Variants in STK26 observed in about 807,000 individuals in gnomAD.
STK26 encodes the protein serine/threonine kinase 26.
Under a neutral mutation model 34.7 loss-of-function variants are expected in STK26, and 14 were observed. That is an observed-to-expected ratio of 0.40 (90% confidence interval 0.27 to 0.63). STK26 has a LOEUF of 0.63. STK26 is among the 30% of genes least tolerant of loss of function. STK26 has a pLI of 0.38. For missense variants in STK26, 226 were observed against 309.1 expected (o/e 0.73, Z 2.02); for synonymous variants, 100 against 109.8 (o/e 0.91, Z 0.56).
intron 4 of STK26, among the ~76,000 whole-genome samples, chrX:132,066,545 C>T (rs963599474): frequency 1.5e-4 from 17 of 111,806 alleles, no homozygotes; most frequent in South Asian, 7.5e-4. Flanking sequence ...CTTCAGTTAT[C>T]GGAGAAAAGT....
intron 2 of STK26, among the ~76,000 whole-genome samples, chrX:132,034,345 C>T (rs1340862215): frequency 2.8e-5 from 2 of 72,560 alleles, no homozygotes; most frequent in African/African-American, 1.1e-4. Context: ...CTCGCTCTGT[C>T]GCCCAGGCTG....
chrX:132,055,780 G>A (rs949820066), intron 3 of STK26, among the ~76,000 whole-genome samples: 4 of 112,021 alleles, frequency 3.6e-5, no homozygotes, highest in African/African-American at 6.5e-5. Context: ...CAAAAAGAGC[G>A]TATCTATAAC....
chrX:132,055,843 T>C (rs1286384902), intron 3 of STK26, among the ~76,000 whole-genome samples: 1 of 112,084 alleles, frequency 8.9e-6, no homozygotes, highest in Middle Eastern at 4.2e-3. Context: ...TATCCTCTGC[T>C]GACCAAATAA....
chrX:132,063,281 C>T (rs979124332), intron 3 of STK26, 152 bp from the exon 4 acceptor site: 3 of 487,804 alleles, frequency 6.2e-6, no homozygotes, highest in Non-Finnish European at 1.0e-5. Context: ...TTCTCTATCT[C>T]CAAGGGTTCA....
At chrX:132,060,127 C>A (rs915315721) in intron 3 of STK26, among the ~76,000 whole-genome samples, 1 of 112,129 alleles carries the variant, frequency 8.9e-6, no homozygotes, top group African/African-American at 3.2e-5. Flanking sequence ...TCTTCTTTTG[C>A]ATATTGTGGT....
At chrX:132,035,598 G>C (rs1926011579) in intron 2 of STK26, among the ~76,000 whole-genome samples, 2 of 109,538 alleles carry the variant, frequency 1.8e-5, no homozygotes, top group Non-Finnish European at 3.8e-5. Context: ...GTTTACTGTA[G>C]TAAACAGCTC....
intron 2 of STK26, among the ~76,000 whole-genome samples, chrX:132,051,224 AGTT>A (rs1238940727): frequency 5.4e-5 from 6 of 111,585 alleles, no homozygotes; most frequent in African/African-American, 9.8e-5. Flanking sequence ...CATACTAAAT[AGTT>A]GTTGTTGTTA....
At position 132,074,272 on chromosome X, in the gene STK26, C is replaced by A; in HGVS notation, c.*113C>A. On this transcript the variant is annotated 3_prime_UTR_variant, in exon 12 of 12. Transcript: ENST00000394334. The stretch of plus-strand genomic sequence containing the variant: ...CCATGTGCCTTTTGGATCTTTGCAA[C>A]ACTGAAGATTTGGAAGAAGCTATTA... 1.4e-6 allele frequency: 1 copy of A among 705,839 alleles called. No homozygotes were observed. The highest frequency in any genetic ancestry group is 2.1e-6 in the Non-Finnish European group (1 of 486,350). 58.2% of individuals were successfully genotyped at this position (705,839 alleles called of 1,213,427 possible). A position where few individuals can be genotyped will look rare whatever the true frequency, so the allele number is the denominator to read the frequency against.
intron 2 of STK26, among the ~76,000 whole-genome samples, chrX:132,027,168 A>T (rs1473051467): frequency 1.8e-5 from 2 of 112,189 alleles, no homozygotes; most frequent in African/African-American, 6.5e-5. Context: ...TAGGATGCAC[A>T]CTGGGCAGGG....
Position 132,073,078 on chromosome X carries a change from T to C in STK26, c.1211T>C (p.Ile404Thr), listed in dbSNP as rs1927472290. ...ACAGATAAAATGGTGAAGAAACTAATTGAAAAATTTCAAAAGTAAGTTGGA... is the reference window on the plus strand; with the variant it reads ...ACAGATAAAATGGTGAAGAAACTAACTGAAAAATTTCAAAAGTAAGTTGGA... Reference protein sequence around the residue: ...GITDKMVKKLIEKFQKCSADE... With the variant: ...GITDKMVKKLTEKFQKCSADE... Residue 404 changes from isoleucine to threonine, a missense_variant, in exon 11 of 12, where the codon ATT becomes ACT. This residue lies in a region of STK26 where 126 missense variants were observed against 132.4 expected (regional missense o/e 0.95). Coordinates refer to ENST00000394334, the MANE Select transcript of STK26 (RefSeq NM_016542.4). 1 of 1,187,858 alleles carries C rather than the reference T, an allele frequency of 8.4e-7. No individual in the cohort carries two copies. The highest frequency in any genetic ancestry group is 1.1e-6 in the Non-Finnish European group (1 of 885,107).
At position 132,063,766 on chromosome X, in the gene STK26, C is replaced by A. The variant is rs917001717; in HGVS notation, c.330+277C>A. ...TAGAAGGGGATGTGTGTATCCATTG[C>A]TGTCAAAGTTTGACTTTTGCAAGCT... On this transcript the variant is annotated intron_variant, in intron 4 of 11. Transcript: ENST00000394334. 2.7e-5 allele frequency among the ~76,000 whole-genome samples: 3 copies of A among 111,960 alleles called. No individual in the cohort carries two copies. The East Asian group carries it at 8.4e-4, about 31-fold the overall frequency.
intron 2 of STK26, among the ~76,000 whole-genome samples, chrX:132,050,410 C>A (rs1363875072): frequency 1.8e-5 from 2 of 111,897 alleles, no homozygotes; most frequent in Admixed American, 9.5e-5. Flanking sequence ...TGTTTCTAAT[C>A]TTGAGTCATC....
chrX:132,071,166 G>C lies in STK26; in HGVS notation c.881G>C (p.Trp294Ser), dbSNP rs759876402. The C allele has an allele frequency of 1.3e-5, 16 of 1,208,885 alleles. No individual in the cohort carries two copies. The change falls in exon 8 of 12, where the codon TGG becomes TCG. Residue 294 changes from tryptophan to serine, a missense_variant. By Grantham distance (177) the Trp-to-Ser change is radical (BLOSUM62 -3). Transcript: ENST00000394334. ...GAACTGATAGATCGTTTTAAGAGAT[G>C]GAAGGCAGAAGGACACAGTGATGAT... ...LTELIDRFKR[W>S]KAEGHSDDES...
chrX:132,062,183 C>T (rs1015522427), intron 3 of STK26, among the ~76,000 whole-genome samples: 1 of 112,228 alleles, frequency 8.9e-6, no homozygotes, highest in African/African-American at 3.2e-5. Context: ...CCAGTCACTA[C>T]TTGGCTGCTG....
intron 2 of STK26, among the ~76,000 whole-genome samples, chrX:132,040,160 A>G (rs759148589): frequency 8.9e-6 from 1 of 112,642 alleles, no homozygotes; most frequent in African/African-American, 3.2e-5. Context: ...GAGACTGTAA[A>G]GTGTACCTGA....
chrX:132,070,493 CAA>C (rs1927380389), intron 7 of STK26, among the ~76,000 whole-genome samples: 1 of 112,081 alleles, frequency 8.9e-6, no homozygotes, highest in African/African-American at 3.2e-5. Flanking sequence ...GAGAAATACA[CAA>C]GAGCAGTCCA....
intron 2 of STK26, among the ~76,000 whole-genome samples, chrX:132,053,868 A>G (rs1926767478): frequency 8.9e-6 from 1 of 112,223 alleles, no homozygotes; most frequent in Admixed American, 9.5e-5. Context: ...TCAGGAAACA[A>G]CAGTGAATTT....
chrX:132,043,651 G>A (rs1484832689), intron 2 of STK26, among the ~76,000 whole-genome samples: 1 of 111,562 alleles, frequency 9.0e-6, no homozygotes, highest in East Asian at 2.8e-4. Flanking sequence ...GAAATTAAAA[G>A]AAATTTACAG....
intron 2 of STK26, among the ~76,000 whole-genome samples, chrX:132,036,059 C>T (rs889240925): frequency 2.7e-5 from 3 of 111,459 alleles, no homozygotes; most frequent in African/African-American, 9.8e-5. Flanking sequence ...CAACAGGTAC[C>T]CAGTAGGAAA....
Sources: allele counts gnomAD v4.1 joint callset (sites outside exome capture counted in the v4.1 genomes callset), GRCh38; gene constraint gnomAD v4.1.1; regional missense constraint gnomAD v4.1.1; transcripts MANE v1.5; gene names NCBI Gene and HGNC (gene_info 2026-07-23, HGNC 2026-07-21).